The following RUBCNL variants were observed in gnomAD, a reference collection of about 807,000 sequenced individuals.
RUBCNL encodes rubicon like autophagy enhancer, also known as protein associated with UVRAG as autophagy enhancer.
Under a neutral mutation model 69.5 loss-of-function variants are expected in RUBCNL, and 62 were observed. The observed-to-expected ratio is 0.89, with a 90% CI of 0.73 to 1.10. The LOEUF is 1.10. RUBCNL is among the 50% of genes least tolerant of loss of function. RUBCNL has a pLI of 0.00. For missense variants in RUBCNL, 768 were observed against 798.1 expected, an observed-to-expected ratio of 0.96 and a Z score of 0.45; for synonymous variants, 291 against 303.6, an observed-to-expected ratio of 0.96 and a Z score of 0.43.
Position 46,372,405 on chromosome 13 carries a change from C to G in RUBCNL, c.71G>C (p.Gly24Ala), listed in dbSNP as rs1299404463. The G allele has an allele frequency of 6.2e-7, 1 of 1,613,496 alleles. No homozygotes were observed. Among genetic ancestry groups the G allele is most frequent in the Non-Finnish European group, 8.5e-7 (1 of 1,179,676 alleles). Reference protein sequence around the residue: ...EPWEGISDHSGIIDGSPRLLN... With the variant: ...EPWEGISDHSAIIDGSPRLLN... The stretch of plus-strand genomic sequence containing the variant: ...GAGTCTGGGCGAACCATCAATAATG[C>G]CAGAGTGATCGCTGATCCCTTCCCA... The change falls in exon 3 of 15, where the codon GGC (glycine) becomes GCC (alanine). Residue 24 changes from glycine to alanine, a missense_variant. Gly to Ala is a moderately conservative substitution (Grantham distance 60, BLOSUM62 0). Transcript: ENST00000429979.
At chr13:46,371,587 G>A (rs930664501) in intron 3 of RUBCNL, among the ~76,000 whole-genome samples, 9 of 152,160 alleles carry the variant, frequency 5.9e-5, no homozygotes, top group Non-Finnish European at 8.8e-5. Flanking sequence ...TGCAGACCCC[G>A]TGGCTGTCTG....
In RUBCNL at chr13:46,372,230, T is replaced by C; in HGVS notation, c.246A>G (p.Thr82=). ...AAGNSGTHFV[T]DAASPSGPSP... Reference sequence around the variant, plus strand: ...AAGGGCCTGAGGGAGAGGCAGCATCTGTCACAAAATGGGTCCCACTGTTCC... The same window carrying C: ...AAGGGCCTGAGGGAGAGGCAGCATCCGTCACAAAATGGGTCCCACTGTTCC... The change falls in exon 3 of 15, where the codon ACA becomes ACG. Residue 82 remains threonine (T), a synonymous_variant. Transcript: ENST00000429979. 1 of 1,614,052 alleles carries C rather than the reference T, an allele frequency of 6.2e-7. No homozygotes were observed. Among genetic ancestry groups the C allele is most frequent in the Non-Finnish European group, 8.5e-7 (1 of 1,179,900 alleles).
chr13:46,353,959 A>G (rs528924614), intron 10 of RUBCNL, among the ~76,000 whole-genome samples: 1 of 152,232 alleles, frequency 6.6e-6, no homozygotes, highest in African/African-American at 2.4e-5. Flanking sequence ...GTGCAGTTCT[A>G]GAATAAAGCT....
At position 46,341,445 on chromosome 13, in the gene RUBCNL, A is replaced by G. The variant is rs936783708; in HGVS notation, c.*1940T>C. Among the ~76,000 whole-genome samples, 6 of 152,236 alleles carry G rather than the reference A, an allele frequency of 3.9e-5. No homozygotes were observed. Among genetic ancestry groups the G allele is most frequent in the African/African-American group, 1.4e-4 (6 of 41,462 alleles). On this transcript the variant is annotated 3_prime_UTR_variant, in exon 15 of 15. Coordinates refer to ENST00000429979, the MANE Select transcript of RUBCNL (RefSeq NM_025113.5). ...CTCTATTATCACATTGGAGAGGAAC[A>G]AAGTCTCAGACAAATCCCATACTGC...
At chr13:46,365,038 C>T (rs1020434796) in intron 5 of RUBCNL, among the ~76,000 whole-genome samples, 1 of 151,960 alleles carries the variant, frequency 6.6e-6, no homozygotes, top group African/African-American at 2.4e-5. Flanking sequence ...TGTGGTGGCT[C>T]GTGCCTGTAA....
intron 10 of RUBCNL, among the ~76,000 whole-genome samples, chr13:46,352,427 T>C (rs958689947): frequency 4.6e-5 from 7 of 152,228 alleles, no homozygotes; most frequent in African/African-American, 1.7e-4. Context: ...GGAGGATTAA[T>C]GAAATCATGG....
rs1297981584 is a variant in RUBCNL at position 46,361,617 on chromosome 13, G to C, written c.987-44C>G. 15 of 1,552,300 alleles carry C rather than the reference G, an allele frequency of 9.7e-6. No individual in the cohort carries two copies. The East Asian group carries it at 3.6e-4, about 38-fold the overall frequency. On this transcript the variant is annotated intron_variant, in intron 7 of 14. Coordinates refer to ENST00000429979, the MANE Select transcript of RUBCNL (RefSeq NM_025113.5). ...AAATACTGGAAAACTATATTCATGA[G>C]GAGTATGTTCAGGGTCTTCCTGAGG... is the stretch of plus-strand genomic sequence containing the variant.
chr13:46,378,059 T>C, intron 1 of RUBCNL, 54 bp from the exon 2 acceptor site: 1 of 915,562 alleles, frequency 1.1e-6, no homozygotes, highest in East Asian at 2.7e-5. Context: ...CCAGGTATGT[T>C]ACTTGTTGCC....
At chr13:46,354,776 G>C (rs1432439316) in intron 10 of RUBCNL, 5 of 456,574 alleles carry the variant, frequency 1.1e-5, no homozygotes, top group Non-Finnish European at 2.2e-5. Context: ...GCTGATGAGT[G>C]TATCTTCCCT....
intron 1 of RUBCNL, among the ~76,000 whole-genome samples, chr13:46,379,919 T>C (rs375511059): frequency 6.6e-6 from 1 of 152,198 alleles, no homozygotes; most frequent in Non-Finnish European, 1.5e-5. Flanking sequence ...ACATATCAAA[T>C]AGAAACCATC....
Position 46,338,687 on chromosome 13 carries a change from G to A in RUBCNL, c.*4698C>T, listed in dbSNP as rs1005417834. On this transcript the variant is annotated 3_prime_UTR_variant, in exon 15 of 15. Transcript: ENST00000429979. ...AAGAAGAACAAGACCATGGAGGCAG[G>A]AACACGGCAGGACTAGAAAAGAGGG... Among the ~76,000 whole-genome samples the A allele has an allele frequency of 1.3e-5, 2 of 152,188 alleles. No homozygotes were observed. Among genetic ancestry groups the A allele is most frequent in the South Asian group, 4.1e-4 (2 of 4,828 alleles).
At chr13:46,380,452 A>G (rs539065645) in intron 1 of RUBCNL, among the ~76,000 whole-genome samples, 1 of 152,358 alleles carries the variant, frequency 6.6e-6, no homozygotes, top group East Asian at 1.9e-4. Context: ...GGACAAAAAC[A>G]AAAGTCTGAA....
chr13:46,361,444 C>G lies in RUBCNL; in HGVS notation c.1116G>C (p.Ser372=). ...GTCAATTTTTTTTGATACTTACTAT[C>G]GAGCCAGCTGCACTCAGGGAACCTG... ...QLAGSLSAAG[S]IVVNEECVRK... is the part of the protein sequence containing the mutation. The change falls in exon 8 of 15, where the codon TCG becomes TCC. Residue 372 remains serine, a synonymous_variant. Transcript: ENST00000429979. 1 of 1,613,234 alleles carries G rather than the reference C, an allele frequency of 6.2e-7. No individual in the cohort carries two copies. Among genetic ancestry groups the G allele is most frequent in the South Asian group, 1.1e-5 (1 of 90,938 alleles).
At chr13:46,370,885 A>G (rs1483874263) in intron 3 of RUBCNL, among the ~76,000 whole-genome samples, 1 of 151,472 alleles carries the variant, frequency 6.6e-6, no homozygotes, top group Non-Finnish European at 1.5e-5. Flanking sequence ...CTTAATCCTT[A>G]GAACTATCCA....
Position 46,343,427 on chromosome 13 carries a change from C to A in RUBCNL, c.1947G>T (p.Ala649=), listed in dbSNP as rs368622127. The change falls in exon 15 of 15, where the codon GCG becomes GCT. Residue 649 remains alanine (A), a synonymous_variant. Transcript: ENST00000429979. ...SECPRCARIT[A]RRKLLESVAS... ...CCACACTTTCCAGAAGTTTTCTCCT[C>A]GCTGTGATCCTCGCACACCGGGGGC... 1 of 1,613,918 alleles carries A rather than the reference C, an allele frequency of 6.2e-7. No individual in the cohort carries two copies. The highest frequency in any genetic ancestry group is 1.1e-5 in the South Asian group (1 of 91,048).
intron 1 of RUBCNL, among the ~76,000 whole-genome samples, chr13:46,381,244 T>C (rs950297115): frequency 2.0e-5 from 3 of 152,312 alleles, no homozygotes; most frequent in African/African-American, 7.2e-5. Context: ...ATTAACAAAG[T>C]GTGCTATATC....
chr13:46,357,802 G>T (rs1351296866), intron 9 of RUBCNL, among the ~76,000 whole-genome samples: 1 of 151,890 alleles, frequency 6.6e-6, no homozygotes, highest in Admixed American at 6.6e-5. Context: ...GCTAATTTTT[G>T]TATTTTTAGT....
At chr13:46,356,090 G>C (rs1216014693) in intron 10 of RUBCNL, among the ~76,000 whole-genome samples, 2 of 152,164 alleles carry the variant, frequency 1.3e-5, no homozygotes, top group Non-Finnish European at 2.9e-5. Context: ...ATTAGTCATG[G>C]GGGTGTCTGC....
chr13:46,353,600 G>A (rs1478104404), intron 10 of RUBCNL, among the ~76,000 whole-genome samples: 1 of 152,182 alleles, frequency 6.6e-6, no homozygotes, highest in Non-Finnish European at 1.5e-5. Context: ...AGCTGCTTCT[G>A]GCACCTACTG....
Sources: gnomAD v4.1 joint callset for allele counts (sites outside exome capture counted in the v4.1 genomes callset) on GRCh38, gnomAD v4.1.1 for gene constraint, MANE v1.5 for transcripts, NCBI Gene and HGNC (gene_info 2026-07-23, HGNC 2026-07-21) for gene names.